The following PTPN14 variants were observed in gnomAD, a reference collection of about 807,000 sequenced individuals.
PTPN14 encodes the protein tyrosine-protein phosphatase non-receptor type 14.
A neutral mutation model predicts 126.8 loss-of-function variants in PTPN14; 53 were observed. That is an observed-to-expected ratio of 0.42 (90% CI 0.34 to 0.53). The LOEUF is 0.53. Among genes scored for constraint, PTPN14 ranks in the 20% least tolerant of loss-of-function variants. The probability of loss-of-function intolerance (pLI) is 0.08; values close to 1 mark genes in which losing one functional copy is unlikely to be tolerated. For synonymous variants in PTPN14, 630 were observed against 599.3 expected, an observed-to-expected ratio of 1.05 and a Z score of -0.75; for missense variants, 1,257 against 1,552.9, an observed-to-expected ratio of 0.81 and a Z score of 3.20.
At chr1:214,458,934 A>G (rs1207568456) in intron 2 of PTPN14, among the ~76,000 whole-genome samples, 1 of 150,306 alleles carries the variant, frequency 6.7e-6, no homozygotes, top group African/African-American at 2.5e-5. Context: ...TTATAATGAC[A>G]TTATTGGAAT....
At chr1:214,369,275 A>C (rs1658157301) in intron 17 of PTPN14, among the ~76,000 whole-genome samples, 182 bp downstream of exon 17, 1 of 152,224 alleles carries the variant, frequency 6.6e-6, no homozygotes, top group Non-Finnish European at 1.5e-5. Context: ...TAAACAGAAT[A>C]AGTGACATGT....
At chr1:214,417,937 C>A (rs1329670063) in intron 3 of PTPN14, among the ~76,000 whole-genome samples, 1 of 152,138 alleles carries the variant, frequency 6.6e-6, no homozygotes, top group Non-Finnish European at 1.5e-5. Flanking sequence ...ATACTACCAC[C>A]CTAGGATGCA....
intron 1 of PTPN14, chr1:214,532,913 C>T (rs1655590963): frequency 3.3e-6 from 3 of 911,874 alleles, no homozygotes; most frequent in Non-Finnish European, 5.4e-6. Flanking sequence ...CAGGACCTCG[C>T]CACGATCATG....
At chr1:214,480,076 T>C (rs1660952357) in intron 1 of PTPN14, among the ~76,000 whole-genome samples, 1 of 152,242 alleles carries the variant, frequency 6.6e-6, no homozygotes, top group South Asian at 2.1e-4. Flanking sequence ...AACCATTTGC[T>C]ATTGTTGACA....
intron 3 of PTPN14, among the ~76,000 whole-genome samples, chr1:214,425,824 T>C (rs1247828575): frequency 6.6e-6 from 1 of 152,048 alleles, no homozygotes. Context: ...TTTCCAAGAA[T>C]TGTCATGTAT....
chr1:214,418,857 A>G (rs1021796528), intron 3 of PTPN14, among the ~76,000 whole-genome samples: 24 of 152,212 alleles, frequency 1.6e-4, no homozygotes, highest in Non-Finnish European at 2.4e-4. Context: ...AAGAAGACTG[A>G]GTTATACATT....
rs566797944 is a variant in PTPN14, at chr1:214,369,709, G to A, written c.3037-18C>T. ...CCACCCTCCTAAATCACATATAAAA[G>A]CAAAATTGGAAATAGGTCAAGGGAA... On this transcript the variant is annotated intron_variant, in intron 16 of 18. Coordinates refer to ENST00000366956, the MANE Select transcript of PTPN14 (RefSeq NM_005401.5). The A allele has an allele frequency of 1.9e-6, 3 of 1,605,888 alleles. No homozygotes were observed. The South Asian group carries it at 3.3e-5, about 18-fold the overall frequency.
chr1:214,394,287 G>A (rs1658825295), intron 9 of PTPN14, among the ~76,000 whole-genome samples: 1 of 152,220 alleles, frequency 6.6e-6, no homozygotes, highest in South Asian at 2.1e-4. Flanking sequence ...GATGAGGGCT[G>A]TAACTAGAGT....
At chr1:214,361,596 T>C (rs565018961) in intron 18 of PTPN14, among the ~76,000 whole-genome samples, 1 of 152,334 alleles carries the variant, frequency 6.6e-6, no homozygotes, top group South Asian at 2.1e-4. Flanking sequence ...CTCCTCACTT[T>C]ATGAAGGAGG....
chr1:214,464,967 C>T lies in PTPN14; in HGVS notation c.-154-10G>A. ...GCCCTCTGGAAGATAGCTGTAAATG[C>T]AAAAGAAATGCCATGGTCATGCTCC... is the stretch of plus-strand genomic sequence containing the variant. On this transcript the variant is annotated splice_polypyrimidine_tract_variant and intron_variant, in intron 1 of 18. Transcript: ENST00000366956. 1.3e-6 allele frequency: 1 copy of T among 786,906 alleles called. No individual in the cohort carries two copies. The highest frequency in any genetic ancestry group is 2.8e-5 in the East Asian group (1 of 35,106). 48.7% of individuals were successfully genotyped at this position (786,906 alleles called of 1,614,324 possible).
chr1:214,511,692 A>C (rs1654977724), intron 1 of PTPN14, among the ~76,000 whole-genome samples: 1 of 152,212 alleles, frequency 6.6e-6, no homozygotes, highest in Admixed American at 6.5e-5. Context: ...AAGAATTTAA[A>C]ACAGAGTCTT....
chr1:214,379,049 A>G (rs1658411684), intron 13 of PTPN14, among the ~76,000 whole-genome samples: 1 of 152,114 alleles, frequency 6.6e-6, no homozygotes, highest in Non-Finnish European at 1.5e-5. Flanking sequence ...AGTATGAAAA[A>G]GCTCTCTTTA....
intron 5 of PTPN14, among the ~76,000 whole-genome samples, chr1:214,409,909 GC>G (rs1430145478): frequency 6.6e-6 from 1 of 151,364 alleles, no homozygotes; most frequent in Non-Finnish European, 1.5e-5. Context: ...GATTAGTGAT[GC>G]TGGGCATTTT....
chr1:214,488,795 T>C (rs1661170507), intron 1 of PTPN14, among the ~76,000 whole-genome samples: 2 of 152,212 alleles, frequency 1.3e-5, no homozygotes, highest in Non-Finnish European at 2.9e-5. Flanking sequence ...AGAAGATTTT[T>C]GCAAAAGTGA....
intron 1 of PTPN14, among the ~76,000 whole-genome samples, chr1:214,510,524 C>T (rs1392889695): frequency 6.6e-6 from 1 of 152,216 alleles, no homozygotes; most frequent in Non-Finnish European, 1.5e-5. Flanking sequence ...TATAGGTCCA[C>T]TTTAGTTTTT....
intron 3 of PTPN14, among the ~76,000 whole-genome samples, chr1:214,440,089 T>C (rs1362401281): frequency 1.3e-5 from 2 of 152,200 alleles, no homozygotes; most frequent in Non-Finnish European, 2.9e-5. Context: ...ATCCTATCTA[T>C]GGGCTCTCCC....
chr1:214,471,335 T>C (rs771308580), intron 1 of PTPN14, among the ~76,000 whole-genome samples: 62 of 152,150 alleles, frequency 4.1e-4, no homozygotes, highest in Non-Finnish European at 8.2e-4. Context: ...GCACAAACTT[T>C]CATGCAAGTA....
At chr1:214,479,544 TG>T (rs1273339995) in intron 1 of PTPN14, among the ~76,000 whole-genome samples, 2 of 152,072 alleles carry the variant, frequency 1.3e-5, no homozygotes, top group African/African-American at 2.4e-5. Context: ...TTCACCATGT[TG>T]GCCAGGCTGG....
intron 5 of PTPN14, among the ~76,000 whole-genome samples, chr1:214,403,928 G>A (rs1659099140): frequency 2.0e-5 from 3 of 152,256 alleles, no homozygotes; most frequent in Middle Eastern, 6.8e-3. Context: ...ATTTTCCTGT[G>A]ACCTCCAGAG....
Sources: gnomAD v4.1 joint callset for allele counts (sites outside exome capture counted in the v4.1 genomes callset) on GRCh38, gnomAD v4.1.1 for gene constraint, MANE v1.5 for transcripts, NCBI Gene and HGNC (gene_info 2026-07-23, HGNC 2026-07-21) for gene names.